CARD8: variants seen among roughly 807,000 people sequenced by gnomAD.
CARD8 encodes caspase recruitment domain family member 8.
CARD8 carries 38 observed loss-of-function variants against 53.2 expected under a neutral mutation model. The ratio of observed to expected loss-of-function variants is 0.71; its 90% CI spans 0.55 to 0.94. The LOEUF (loss-of-function observed/expected upper bound fraction) is 0.94. Ranked by LOEUF, CARD8 falls within the 40% of genes least tolerant of loss-of-function variation. CARD8 has a pLI of 0.00. For missense variants in CARD8, 561 were observed against 655.5 expected (o/e 0.86, Z 1.57); for synonymous variants, 245 against 244.9 (o/e 1.00, Z 0.00).
At chr19:48,224,017 A>T in intron 10 of CARD8, 1 of 405,988 alleles carries the variant, frequency 2.5e-6, no homozygotes, top group Non-Finnish European at 4.9e-6. Context: ...GCTGGAGTAT[A>T]GTGGTGTGAT....
At chr19:48,225,915 T>C (rs1156776232) in intron 10 of CARD8, among the ~76,000 whole-genome samples, 1 of 152,028 alleles carries the variant, frequency 6.6e-6, no homozygotes, top group Admixed American at 6.5e-5. Context: ...TAGCCGGGCA[T>C]GGTGGCGTGC....
chr19:48,220,993 GGAA>G (rs1568697124), intron 11 of CARD8, among the ~76,000 whole-genome samples: 2 of 106,896 alleles, frequency 1.9e-5, no homozygotes, highest in Non-Finnish European at 3.9e-5. Flanking sequence ...AAGGAAGGAA[GGAA>G]AGAAAGAAAG....
intron 5 of CARD8, among the ~76,000 whole-genome samples, chr19:48,237,957 C>T (rs2044222186): frequency 6.6e-6 from 1 of 151,908 alleles, no homozygotes; most frequent in South Asian, 2.1e-4. Flanking sequence ...GTTGCACGAT[C>T]TCGGCTCACT....
rs144179211 is a variant in CARD8, at chr19:48,219,030, G to A, written c.1162-18C>T. The A allele has an allele frequency of 2.3e-4, 373 of 1,613,606 alleles. 1 individual carries two copies. The African/African-American group carries it at 4.1e-3, about 18-fold the overall frequency. ...TTCAACTCCTAGAGGAAACACATCA[G>A]TTGACTTGAAGCAGTGGAGGGTGGA... On this transcript the variant is annotated intron_variant, in intron 11 of 13. Transcript: ENST00000651546.
intron 1 of CARD8, among the ~76,000 whole-genome samples, chr19:48,251,054 C>A (rs750363550): frequency 1.3e-5 from 2 of 152,116 alleles, no homozygotes; most frequent in Non-Finnish European, 2.9e-5. Flanking sequence ...AACCACATGG[C>A]CTGCTTTCTT....
chr19:48,232,505 G>T lies in CARD8; in HGVS notation c.351-12C>A. 6.5e-7 allele frequency: 1 copy of T among 1,534,932 alleles called. No homozygotes were observed. Among genetic ancestry groups the T allele is most frequent in the East Asian group, 2.4e-5 (1 of 40,908 alleles). ...GCTCTTCTGATACACTGGAGGTTGG[G>T]ATCCCCATGTTACAAAAAGATGAAA... On this transcript the variant is annotated splice_polypyrimidine_tract_variant and intron_variant, in intron 6 of 13. Transcript: ENST00000651546.
At chr19:48,232,603 G>A (rs2043122060) in intron 6 of CARD8, 110 bp from the exon 7 acceptor site, 1 of 889,870 alleles carries the variant, frequency 1.1e-6, no homozygotes, top group Non-Finnish European at 1.8e-6. Context: ...CCGTAGAGTA[G>A]CCGCTACCCG....
At chr19:48,223,282 C>T (rs1412531772) in intron 10 of CARD8, among the ~76,000 whole-genome samples, 2 of 148,818 alleles carry the variant, frequency 1.3e-5, no homozygotes, top group African/African-American at 5.0e-5. Flanking sequence ...CCAGCCTGAG[C>T]GACAGAGCAA....
chr19:48,234,583 T>C lies in CARD8; in HGVS notation c.210-40A>G, dbSNP rs759318529. On this transcript the variant is annotated intron_variant, in intron 5 of 13. Coordinates refer to ENST00000651546, the MANE Select transcript of CARD8 (RefSeq NM_001184900.3). ...CAGAATTTTTACTATGAATATAAGG[T>C]AGGTGCCTGATGATAGCATAGGCTG... 2.5e-6 allele frequency: 4 copies of C among 1,583,552 alleles called. No individual in the cohort carries two copies. The South Asian group carries it at 4.5e-5, about 18-fold the overall frequency.
chr19:48,245,108 A>AT (rs1292988239), intron 3 of CARD8, among the ~76,000 whole-genome samples: 1 of 152,256 alleles, frequency 6.6e-6, no homozygotes, highest in Non-Finnish European at 1.5e-5. Flanking sequence ...AAGGAAGGAG[A>AT]TTAAACTATA....
chr19:48,228,864 C>T (rs1031602774), intron 10 of CARD8, among the ~76,000 whole-genome samples: 14 of 152,076 alleles, frequency 9.2e-5, no homozygotes, highest in African/African-American at 3.4e-4. Flanking sequence ...GGCGGCCGGG[C>T]GCGGTGGCTC....
At position 48,210,445 on chromosome 19, in the gene CARD8, ACTCTT is replaced by A. The variant is rs2037792053; in HGVS notation, c.*1260_*1264del. ...AATATCTGGAAAAACATAACAGATT[ACTCTT>A]CTCATGAGTTTTTTAAATCTTCTGA... On this transcript the variant is annotated 3_prime_UTR_variant, in exon 14 of 14. Coordinates refer to ENST00000651546, the MANE Select transcript of CARD8 (RefSeq NM_001184900.3). 1.3e-5 allele frequency: 2 copies of A among 152,140 alleles called. No homozygotes were observed. The allele number at this position is 152,140 out of a possible 1,614,324, so 9.4% of individuals were successfully genotyped here. A position where few individuals can be genotyped will look rare whatever the true frequency, so the allele number is the denominator to read the frequency against.
At chr19:48,238,602 C>G (rs920669159) in intron 4 of CARD8, 70 bp from the exon 5 acceptor site, 1 of 1,440,572 alleles carries the variant, frequency 6.9e-7, no homozygotes, top group Non-Finnish European at 9.4e-7. Context: ...AATCTCCTCA[C>G]TGTGATGTAG....
intron 3 of CARD8, among the ~76,000 whole-genome samples, chr19:48,246,369 G>A (rs2046108484): frequency 6.6e-6 from 1 of 152,074 alleles, no homozygotes; most frequent in Non-Finnish European, 1.5e-5. Context: ...CTTCTCCACG[G>A]ATCCTTGGCT....
rs143246054 is a variant in CARD8, at chr19:48,208,340, G to A, written c.*3370C>T. 1.5e-4 allele frequency: 23 copies of A among 152,144 alleles called. No individual in the cohort carries two copies. The East Asian group carries it at 4.4e-3, about 29-fold the overall frequency. 9.4% of individuals were successfully genotyped at this position (152,144 alleles called of 1,614,324 possible). On this transcript the variant is annotated 3_prime_UTR_variant, in exon 14 of 14. Transcript: ENST00000651546. ...CGCTGGTCCTAATTCACATTCAAAC[G>A]CCCTGAGAATGGAGCTAACAGGATA...
rs1253084853 is a variant in CARD8, at chr19:48,241,072, A to C, written c.-43-9T>G. On this transcript the variant is annotated splice_polypyrimidine_tract_variant and intron_variant, in intron 3 of 13. Coordinates refer to ENST00000651546, the MANE Select transcript of CARD8 (RefSeq NM_001184900.3). Reference sequence around the variant, plus strand: ...ACTGTATCTTTTTTACCCTGAAAAAATAAAAGGAGGTTGTATTTAGGTACT... The same window carrying C: ...ACTGTATCTTTTTTACCCTGAAAAACTAAAAGGAGGTTGTATTTAGGTACT... The C allele has an allele frequency of 1.4e-6, 2 of 1,409,698 alleles. No homozygotes were observed. The highest frequency in any genetic ancestry group is 4.0e-5 in the Admixed American group (2 of 50,314). The allele number at this position is 1,409,698 out of a possible 1,614,324, so 87.3% of individuals were successfully genotyped here.
downstream of CARD8, chr19:48,206,281 T>C (rs2123529429): frequency 2.9e-6 from 1 of 345,206 alleles, no homozygotes; most frequent in African/African-American, 2.1e-5. Flanking sequence ...TTATGGGAAG[T>C]TGTATAGTTG....
chr19:48,212,512 G>T (rs1486670807), intron 13 of CARD8, among the ~76,000 whole-genome samples: 1 of 152,174 alleles, frequency 6.6e-6, no homozygotes, highest in Non-Finnish European at 1.5e-5. Flanking sequence ...CAGGGTTTAC[G>T]TTGTGCCCCA....
intron 7 of CARD8, chr19:48,232,117 C>T (rs1183165628): frequency 5.5e-6 from 3 of 542,586 alleles, no homozygotes; most frequent in African/African-American, 3.8e-5. Context: ...TCTACTGGTC[C>T]GAAATAGCAG....
Sources: allele counts gnomAD v4.1 joint callset (sites outside exome capture counted in the v4.1 genomes callset), GRCh38; gene constraint gnomAD v4.1.1; transcripts MANE v1.5; gene names NCBI Gene and HGNC (gene_info 2026-07-23, HGNC 2026-07-21).